The following CCDC83 variants were observed in gnomAD, a reference collection of about 807,000 sequenced individuals.
The protein encoded by CCDC83 is coiled-coil domain containing 83.
A neutral mutation model predicts 50.1 loss-of-function variants in CCDC83; 54 were observed. The observed-to-expected ratio is 1.08, with a 90% CI of 0.87 to 1.35. The LOEUF is 1.35. Among genes scored for constraint, CCDC83 ranks in the 40% most tolerant of loss-of-function variants. The probability of loss-of-function intolerance (pLI) is 0.00; values close to 1 mark genes in which losing one functional copy is unlikely to be tolerated. For synonymous variants in CCDC83, 161 were observed against 153.3 expected, an observed-to-expected ratio of 1.05 and a Z score of -0.37; for missense variants, 518 against 473.9, an observed-to-expected ratio of 1.09 and a Z score of -0.86.
rs759943423 is a variant in CCDC83 at position 85,864,951 on chromosome 11, T to C, written c.-28-145T>C. ...CCAATCATTTCATGATGTTCCACCA[T>C]TGTGGTGAATGTTAGATCTGGGGAC... On this transcript the variant is annotated intron_variant, in intron 1 of 10. Transcript: ENST00000342404. 2.5e-5 allele frequency: 14 copies of C among 569,094 alleles called. No individual in the cohort carries two copies. In the Admixed American group the frequency reaches 2.9e-4, roughly 12 times the overall value. 35.3% of individuals were successfully genotyped at this position (569,094 alleles called of 1,614,324 possible). A position where few individuals can be genotyped will look rare whatever the true frequency, so the allele number is the denominator to read the frequency against.
At position 85,860,217 on chromosome 11, in the gene CCDC83, A is replaced by C. The variant is rs190964049; in HGVS notation, c.-29+4633A>C. On this transcript the variant is annotated intron_variant, in intron 1 of 10. Coordinates refer to ENST00000342404, the MANE Select transcript of CCDC83 (RefSeq NM_001286159.2). ...CTCGGGAGGCTGAGGCAGGAGAATCACTTGAACCCTGGAGGCAAAGGTTGC... is the reference window on the plus strand; with the variant it reads ...CTCGGGAGGCTGAGGCAGGAGAATCCCTTGAACCCTGGAGGCAAAGGTTGC... Among the ~76,000 whole-genome samples the C allele has an allele frequency of 6.1e-3, 915 of 150,180 alleles. 7 individuals carry two copies. The highest frequency in any genetic ancestry group is 6.4e-3 in the Non-Finnish European group (437 of 67,790).
At chr11:85,859,321 T>C (rs1049445963) in intron 1 of CCDC83, among the ~76,000 whole-genome samples, 5 of 152,064 alleles carry the variant, frequency 3.3e-5, no homozygotes, top group Middle Eastern at 6.8e-3. Context: ...ACAAAACTAT[T>C]CTAAAATTCA....
intron 8 of CCDC83, among the ~76,000 whole-genome samples, chr11:85,914,610 T>C (rs1380210539): frequency 1.3e-5 from 2 of 152,212 alleles, no homozygotes; most frequent in African/African-American, 2.4e-5. Flanking sequence ...ATTCCGCACC[T>C]GAAATACTAC....
At chr11:85,899,156 C>T (rs929488191) in intron 7 of CCDC83, 141 bp downstream of exon 7, 2 of 602,306 alleles carry the variant, frequency 3.3e-6, no homozygotes, top group Admixed American at 6.6e-5. Context: ...GTGGAGTCCT[C>T]ATCTCATTAC....
intron 1 of CCDC83, among the ~76,000 whole-genome samples, chr11:85,863,877 T>C (rs1014659489): frequency 2.6e-5 from 4 of 152,258 alleles, no homozygotes; most frequent in Non-Finnish European, 5.9e-5. Flanking sequence ...AGGGGCACTA[T>C]ACAGAGATAG....
chr11:85,912,414 G>A (rs2093458696), intron 8 of CCDC83, among the ~76,000 whole-genome samples: 1 of 152,212 alleles, frequency 6.6e-6, no homozygotes, highest in African/African-American at 2.4e-5. Context: ...TGGGAGATAA[G>A]CTGGGTGGGG....
chr11:85,903,684 A>G (rs545572506), intron 7 of CCDC83, among the ~76,000 whole-genome samples: 2 of 152,240 alleles, frequency 1.3e-5, no homozygotes, highest in East Asian at 3.9e-4. Context: ...TACTTTGACC[A>G]CTTCTCCTTC....
At chr11:85,912,403 T>C (rs747259246) in intron 8 of CCDC83, among the ~76,000 whole-genome samples, 1 of 152,106 alleles carries the variant, frequency 6.6e-6, no homozygotes, top group Non-Finnish European at 1.5e-5. Context: ...ATTAGAGAAA[T>C]TGGGAGATAA....
At chr11:85,906,007 A>ACTTACTT (rs972307078) in intron 7 of CCDC83, among the ~76,000 whole-genome samples, 6 of 151,490 alleles carry the variant, frequency 4.0e-5, no homozygotes, top group Admixed American at 4.0e-4. Flanking sequence ...TTAGGGAGAA[A>ACTTACTT]CTTACTTCTT....
intron 4 of CCDC83, among the ~76,000 whole-genome samples, chr11:85,885,850 A>G (rs1355437064): frequency 6.6e-6 from 1 of 152,208 alleles, no homozygotes; most frequent in African/African-American, 2.4e-5. Context: ...CCTAATAAAG[A>G]ATACATATTA....
chr11:85,915,254 G>A (rs560094047), intron 8 of CCDC83, among the ~76,000 whole-genome samples, 165 bp from the exon 9 acceptor site: 11 of 152,246 alleles, frequency 7.2e-5, no homozygotes, highest in Non-Finnish European at 1.2e-4. Context: ...TTAAAATACC[G>A]TAAGGCTGTC....
intron 7 of CCDC83, among the ~76,000 whole-genome samples, chr11:85,906,617 A>T (rs960014166): frequency 2.0e-5 from 3 of 152,198 alleles, no homozygotes; most frequent in Non-Finnish European, 4.4e-5. Context: ...GGTGGCTCCC[A>T]CCTATACTAC....
chr11:85,919,815 C>G lies in CCDC83; in HGVS notation c.*305C>G. On this transcript the variant is annotated 3_prime_UTR_variant, in exon 11 of 11. Transcript: ENST00000342404. ...AAAATTCACTGATTAATCTGTGATTCCAGTATGAAATAGTTCCATTAGAAA... is the reference window on the plus strand; with the variant it reads ...AAAATTCACTGATTAATCTGTGATTGCAGTATGAAATAGTTCCATTAGAAA... 3.7e-6 allele frequency: 1 copy of G among 272,394 alleles called. No homozygotes were observed. Among genetic ancestry groups the G allele is most frequent in the Non-Finnish European group, 6.8e-6 (1 of 146,420 alleles). The allele number at this position is 272,394 out of a possible 1,614,324, so 16.9% of individuals were successfully genotyped here.
chr11:85,917,204 A>AAG (rs1279738873), intron 10 of CCDC83, among the ~76,000 whole-genome samples: 1 of 128,928 alleles, frequency 7.8e-6, no homozygotes, highest in Non-Finnish European at 1.7e-5. Context: ...GAAAGAAAGA[A>AAG]AGAAGGAAAG....
intron 3 of CCDC83, among the ~76,000 whole-genome samples, chr11:85,880,375 C>T (rs560242227): frequency 1.3e-4 from 20 of 152,100 alleles, no homozygotes; most frequent in African/African-American, 4.8e-4. Flanking sequence ...CAGCCTCAAC[C>T]TTCTGGGCTC....
chr11:85,891,863 C>G (rs985243742), intron 5 of CCDC83, among the ~76,000 whole-genome samples: 16 of 152,120 alleles, frequency 1.1e-4, no homozygotes, highest in Non-Finnish European at 2.1e-4. Context: ...ATGCTAGTAA[C>G]AAATGGAACA....
chr11:85,873,364 A>G (rs2093250951), intron 3 of CCDC83, 69 bp downstream of exon 3: 1 of 581,664 alleles, frequency 1.7e-6, no homozygotes, highest in East Asian at 3.2e-5. Context: ...AAAATTGTGG[A>G]TTATGGTGAA....
intron 5 of CCDC83, among the ~76,000 whole-genome samples, chr11:85,892,101 A>G (rs960620120): frequency 6.6e-6 from 1 of 152,194 alleles, no homozygotes; most frequent in Admixed American, 6.5e-5. Flanking sequence ...AAGAGTATAT[A>G]ATAAAGCTCT....
intron 2 of CCDC83, among the ~76,000 whole-genome samples, chr11:85,869,179 T>C (rs1381733170): frequency 6.6e-6 from 1 of 152,242 alleles, no homozygotes; most frequent in African/African-American, 2.4e-5. Flanking sequence ...TCAAATATTC[T>C]GAAAACATTT....
Sources: gnomAD v4.1 joint callset for allele counts (sites outside exome capture counted in the v4.1 genomes callset) on GRCh38, gnomAD v4.1.1 for gene constraint, MANE v1.5 for transcripts, NCBI Gene and HGNC (gene_info 2026-07-23, HGNC 2026-07-21) for gene names.